The following ATP9A variants were observed in gnomAD, a reference collection of about 807,000 sequenced individuals.
The protein encoded by ATP9A is ATPase phospholipid transporting 9A.
In ATP9A, 52 loss-of-function variants were observed where a neutral mutation model predicts 144.1. The observed-to-expected ratio is 0.36, with a 90% CI of 0.29 to 0.45. The LOEUF is 0.45. ATP9A is among the 20% of genes least tolerant of loss of function. ATP9A has a pLI of 1.00. For missense variants in ATP9A, 947 were observed against 1,392.7 expected, an observed-to-expected ratio of 0.68 and a Z score of 5.09; for synonymous variants, 582 against 557.4, an observed-to-expected ratio of 1.04 and a Z score of -0.62.
Position 51,613,704 on chromosome 20 carries a change from G to A in ATP9A, c.2544C>T (p.His848=), listed in dbSNP as rs2077192690. 5.0e-6 allele frequency: 8 copies of A among 1,614,158 alleles called. No homozygotes were observed. The highest frequency in any genetic ancestry group is 1.6e-4 in the Middle Eastern group (1 of 6,062). Residue 848 remains histidine, a synonymous_variant, in exon 23 of 28, where the codon CAC becomes CAT. Transcript: ENST00000338821. The part of the protein sequence containing the change: ...RSAALSQFVI[H]RSLCISTMQA... The stretch of plus-strand genomic sequence containing the variant: ...GCATGGTGCTGATACAGAGGCTCCT[G>A]TGAATCACGAACTGGCTGAGGGCGG...
At position 51,611,982 on chromosome 20, in the gene ATP9A, G is replaced by T. The variant is rs1330535257; in HGVS notation, c.2571+1695C>A. Among the ~76,000 whole-genome samples, 1 of 152,224 alleles carries T rather than the reference G, an allele frequency of 6.6e-6. No individual in the cohort carries two copies. Among genetic ancestry groups the T allele is most frequent in the Non-Finnish European group, 1.5e-5 (1 of 68,036 alleles). ...ACTACCTGATACATTGTACAAGGCA[G>T]ACCGCCTTTCAAGTATGATTAAACA... On this transcript the variant is annotated intron_variant, in intron 23 of 27. Coordinates refer to ENST00000338821, the MANE Select transcript of ATP9A (RefSeq NM_006045.3). This position sits in a 1 kb window ranked among gnomAD's most constrained non-coding sequence, Gnocchi z 4.2.
chr20:51,762,573 C>T (rs1206218568), intron 1 of ATP9A, among the ~76,000 whole-genome samples: 8 of 151,810 alleles, frequency 5.3e-5, no homozygotes, highest in South Asian at 2.1e-4. Flanking sequence ...GCATGAGAAT[C>T]GCTTGAACCC....
intron 14 of ATP9A, among the ~76,000 whole-genome samples, chr20:51,640,974 C>G (rs1461551814): frequency 6.6e-6 from 1 of 152,086 alleles, no homozygotes; most frequent in African/African-American, 2.4e-5. Context: ...CTTTTAATCC[C>G]AGCACTTGGG....
intron 3 of ATP9A, among the ~76,000 whole-genome samples, chr20:51,721,662 G>T (rs539276454): frequency 6.6e-6 from 1 of 151,816 alleles, no homozygotes; most frequent in South Asian, 2.1e-4. Context: ...TTAGCCAGGC[G>T]TGGTGGCAGG....
At chr20:51,696,060 T>C (rs778606307) in intron 6 of ATP9A, 33 bp downstream of exon 6, 82 of 1,587,432 alleles carry the variant, frequency 5.2e-5, no homozygotes, top group Non-Finnish European at 6.7e-5. Flanking sequence ...GAAAGGTTAA[T>C]GGTTATTTTC....
intron 14 of ATP9A, among the ~76,000 whole-genome samples, chr20:51,652,549 A>C (rs1209519204): frequency 6.6e-6 from 1 of 152,324 alleles, no homozygotes; most frequent in Admixed American, 6.5e-5. Flanking sequence ...AGGGACTTGG[A>C]AACAGTACGG....
chr20:51,727,136 C>CA (rs1334193421), intron 2 of ATP9A, among the ~76,000 whole-genome samples: 1 of 150,792 alleles, frequency 6.6e-6, no homozygotes, highest in Non-Finnish European at 1.5e-5. Flanking sequence ...TACAAAAATA[C>CA]AAAAAATTAG....
At chr20:51,619,869 CAAAAA>C (rs564118011) in intron 19 of ATP9A, among the ~76,000 whole-genome samples, 1 of 83,904 alleles carries the variant, frequency 1.2e-5, no homozygotes. Context: ...AACTCTGTCT[CAAAAA>C]AAAAAAAAAA....
At position 51,712,960 on chromosome 20, in the gene ATP9A, G is replaced by A. The variant is rs762935345; in HGVS notation, c.436+6C>T. On this transcript the variant is annotated splice_donor_region_variant and intron_variant, in intron 4 of 27. Transcript: ENST00000338821. Reference sequence around the variant, plus strand: ...AACCCTGTGGCCCAGGAGCCAGAAGGCTGACCTCGTGCTGTGAGCCGGCTG... The same window carrying A: ...AACCCTGTGGCCCAGGAGCCAGAAGACTGACCTCGTGCTGTGAGCCGGCTG... 66 of 1,603,854 alleles carry A rather than the reference G, an allele frequency of 4.1e-5. No homozygotes were observed. In the East Asian group the frequency reaches 1.4e-3, roughly 34 times the overall value.
At chr20:51,747,502 A>C (rs1046541939) in intron 1 of ATP9A, among the ~76,000 whole-genome samples, 2 of 152,184 alleles carry the variant, frequency 1.3e-5, no homozygotes, top group Non-Finnish European at 2.9e-5. Context: ...CAGGTGGTTA[A>C]ATGGGAAGAA....
chr20:51,691,346 G>T (rs927188438), intron 7 of ATP9A, among the ~76,000 whole-genome samples: 3 of 152,202 alleles, frequency 2.0e-5, no homozygotes, highest in Non-Finnish European at 4.4e-5. Flanking sequence ...GCGCGTGCCT[G>T]TAATTGCGGC....
At chr20:51,656,704 G>A (rs2077388258) in intron 14 of ATP9A, among the ~76,000 whole-genome samples, 1 of 152,138 alleles carries the variant, frequency 6.6e-6, no homozygotes, top group African/African-American at 2.4e-5. Flanking sequence ...GGCCTTTTGA[G>A]TTACAAAACA....
chr20:51,638,068 A>ATT (rs1491257565), intron 15 of ATP9A, among the ~76,000 whole-genome samples: 4 of 27,936 alleles, frequency 1.4e-4, no homozygotes, highest in Non-Finnish European at 2.2e-4. Context: ...GCATTTCATC[A>ATT]TTTTATATAT....
intron 1 of ATP9A, chr20:51,734,901 A>G: frequency 4.6e-6 from 1 of 216,238 alleles, no homozygotes; most frequent in Non-Finnish European, 9.9e-6. Context: ...ACTTGCCTAC[A>G]TTGCCCACTC....
intron 2 of ATP9A, 79 bp downstream of exon 2, chr20:51,729,755 T>A (rs755397171): frequency 1.3e-5 from 18 of 1,405,794 alleles, no homozygotes; most frequent in Admixed American, 2.7e-5. Flanking sequence ...AAAAATAACA[T>A]GACATGACAT....
At chr20:51,605,234 G>A (rs977956652) in intron 26 of ATP9A, among the ~76,000 whole-genome samples, 7 of 152,222 alleles carry the variant, frequency 4.6e-5, no homozygotes, top group African/African-American at 1.7e-4. Flanking sequence ...TAACTACAAA[G>A]TGAGAAAAAG....
intron 15 of ATP9A, among the ~76,000 whole-genome samples, chr20:51,636,374 G>A (rs1467632060): frequency 6.6e-6 from 1 of 152,212 alleles, no homozygotes; most frequent in Admixed American, 6.5e-5. Context: ...TTAGACTGCA[G>A]TTGACCATGG....
chr20:51,609,420 TCTC>T (rs1331294264), intron 24 of ATP9A, among the ~76,000 whole-genome samples: 5 of 152,134 alleles, frequency 3.3e-5, no homozygotes, highest in African/African-American at 1.2e-4. Context: ...GCACCCGCCG[TCTC>T]CTCATAACCA....
intron 1 of ATP9A, among the ~76,000 whole-genome samples, chr20:51,754,878 C>A (rs916046767): frequency 1.3e-5 from 2 of 150,628 alleles, no homozygotes; most frequent in Non-Finnish European, 3.0e-5. Context: ...CTTTGGGAGG[C>A]CGAGGTGGAT....
Sources: gnomAD v4.1 joint callset for allele counts (sites outside exome capture counted in the v4.1 genomes callset) on GRCh38, gnomAD v4.1.1 for gene constraint, Gnocchi (gnomAD v3.1) non-coding constraint, MANE v1.5 for transcripts, NCBI Gene and HGNC (gene_info 2026-07-23, HGNC 2026-07-21) for gene names.